The following MARCHF1 variants were observed in gnomAD, a reference collection of about 807,000 sequenced individuals.
MARCHF1 encodes membrane associated ring-CH-type finger 1.
A neutral mutation model predicts 54.2 loss-of-function variants in MARCHF1; 40 were observed. That is an observed-to-expected ratio of 0.74 (90% CI 0.57 to 0.96). The LOEUF (loss-of-function observed/expected upper bound fraction) is 0.96, where lower values mean the gene tolerates loss of function less well. MARCHF1 is among the 40% of genes least tolerant of loss of function. The pLI, the probability that MARCHF1 is intolerant of heterozygous loss-of-function variation, is 0.00. For synonymous variants in MARCHF1, 236 were observed against 236.3 expected (o/e 1.00, Z 0.01); for missense variants, 586 against 656.5 (o/e 0.89, Z 1.17).
intron 2 of MARCHF1, among the ~76,000 whole-genome samples, chr4:164,049,340 T>C (rs1754308224): frequency 6.6e-6 from 1 of 152,124 alleles, no homozygotes; most frequent in Non-Finnish European, 1.5e-5. Flanking sequence ...GGTCCCTCCC[T>C]TGACACATGG....
chr4:164,374,476 T>C (rs2110968118), intron 1 of MARCHF1, among the ~76,000 whole-genome samples: 1 of 152,278 alleles, frequency 6.6e-6, no homozygotes, highest in South Asian at 2.1e-4. Flanking sequence ...TAATGTATGT[T>C]TCAAAAAATT....
intron 7 of MARCHF1, among the ~76,000 whole-genome samples, chr4:163,597,723 A>T (rs970463077): frequency 2.6e-5 from 4 of 152,142 alleles, no homozygotes; most frequent in Non-Finnish European, 4.4e-5. Context: ...TCATGAATAA[A>T]TTTGATAGAT....
intron 1 of MARCHF1, among the ~76,000 whole-genome samples, chr4:164,371,212 G>C (rs1054559680): frequency 6.6e-6 from 1 of 152,028 alleles, no homozygotes; most frequent in Non-Finnish European, 1.5e-5. Flanking sequence ...CTTTTGTGGT[G>C]GGGGGATGGG....
At chr4:163,562,388 A>G (rs1329991358) in intron 8 of MARCHF1, among the ~76,000 whole-genome samples, 1 of 152,176 alleles carries the variant, frequency 6.6e-6, no homozygotes, top group African/African-American at 2.4e-5. Flanking sequence ...CTAAATGTAT[A>G]TTTACTCTCA....
At chr4:163,759,322 A>G (rs73870029) in intron 4 of MARCHF1, among the ~76,000 whole-genome samples, 2,353 of 152,268 alleles carry the variant, frequency 0.015, 62 homozygotes, top group African/African-American at 0.054. Flanking sequence ...CCTTTAACTT[A>G]ATCTTCCAAA....
intron 4 of MARCHF1, among the ~76,000 whole-genome samples, chr4:163,750,880 A>C (rs1746501141): frequency 6.6e-6 from 1 of 152,198 alleles, no homozygotes; most frequent in African/African-American, 2.4e-5. Flanking sequence ...AAATTTTAAA[A>C]AATTTATGTT....
chr4:164,247,853 T>C (rs1229624607), intron 1 of MARCHF1, among the ~76,000 whole-genome samples: 1 of 149,642 alleles, frequency 6.7e-6, no homozygotes, highest in Non-Finnish European at 1.5e-5. Context: ...ATCTATCATC[T>C]GCCAGTCCAA....
intron 2 of MARCHF1, among the ~76,000 whole-genome samples, chr4:164,061,062 C>T (rs766578971): frequency 6.6e-6 from 1 of 152,046 alleles, no homozygotes; most frequent in Non-Finnish European, 1.5e-5. Flanking sequence ...TTTATCCATA[C>T]GATTTGTAAG....
chr4:163,561,388 ATAT>A (rs1474451625), intron 8 of MARCHF1, among the ~76,000 whole-genome samples: 2 of 152,172 alleles, frequency 1.3e-5, no homozygotes, highest in Non-Finnish European at 2.9e-5. Flanking sequence ...AAGTAGCAAA[ATAT>A]TGTGCACATC....
chr4:164,089,828 C>T (rs1419201258), intron 2 of MARCHF1, among the ~76,000 whole-genome samples: 2 of 151,936 alleles, frequency 1.3e-5, no homozygotes, highest in Non-Finnish European at 2.9e-5. Flanking sequence ...ACTTGTGAAA[C>T]CATCTCAGCA....
chr4:164,281,319 G>A (rs1183538517), intron 1 of MARCHF1, among the ~76,000 whole-genome samples: 1 of 152,034 alleles, frequency 6.6e-6, no homozygotes, highest in African/African-American at 2.4e-5. Flanking sequence ...AAATCATACT[G>A]CCTTCCATCA....
intron 1 of MARCHF1, among the ~76,000 whole-genome samples, chr4:164,121,319 T>C (rs568833085): frequency 2.6e-5 from 4 of 152,202 alleles, no homozygotes; most frequent in African/African-American, 9.6e-5. Context: ...CACGCTGCTA[T>C]AAAGAACTGC....
chr4:164,191,133 A>C (rs962471182), intron 1 of MARCHF1, among the ~76,000 whole-genome samples: 3 of 152,190 alleles, frequency 2.0e-5, no homozygotes, highest in African/African-American at 7.2e-5. Context: ...ATTTTCTTCA[A>C]CATGCAATGT....
At chr4:163,680,597 A>G (rs973027635) in intron 5 of MARCHF1, among the ~76,000 whole-genome samples, 6 of 152,268 alleles carry the variant, frequency 3.9e-5, no homozygotes, top group Non-Finnish European at 7.4e-5. Flanking sequence ...CTCTTGCCAC[A>G]TCTGAATTCT....
rs1339623962 is a variant in MARCHF1, at chr4:163,929,990, AT to A, written c.-39+58510del. Among the ~76,000 whole-genome samples, 936 of 132,644 alleles carry A rather than the reference AT, an allele frequency of 7.1e-3. 10 individuals are homozygous for A. The highest frequency in any genetic ancestry group is 0.039 in the East Asian group (191 of 4,884). The allele number at this position is 132,644 out of a possible 152,430, so 87.0% of individuals were successfully genotyped here. ...TATATATAATATATATAATATATAT[AT>A]AATATATTATATATAAATATATTAT... is the stretch of plus-strand genomic sequence containing the variant. On this transcript the variant is annotated intron_variant, in intron 3 of 9. Transcript: ENST00000514618.
chr4:164,185,596 C>A (rs1362851570), intron 1 of MARCHF1, among the ~76,000 whole-genome samples: 1 of 152,076 alleles, frequency 6.6e-6, no homozygotes, highest in Non-Finnish European at 1.5e-5. Context: ...TTCATGACAT[C>A]TGAGGCTCAC....
chr4:164,115,162 A>T (rs1372605455), intron 1 of MARCHF1, among the ~76,000 whole-genome samples: 1 of 152,070 alleles, frequency 6.6e-6, no homozygotes, highest in Non-Finnish European at 1.5e-5. Context: ...TGTTCTCCGC[A>T]TACAAAGGGT....
chr4:163,952,397 TC>T (rs1441877160), intron 3 of MARCHF1, among the ~76,000 whole-genome samples: 14 of 152,204 alleles, frequency 9.2e-5, no homozygotes, highest in Admixed American at 5.9e-4. Flanking sequence ...ATTTTCAATG[TC>T]CTACTCCATC....
chr4:163,615,076 C>T (rs920604521), intron 5 of MARCHF1, among the ~76,000 whole-genome samples: 6 of 151,964 alleles, frequency 3.9e-5, no homozygotes, highest in East Asian at 3.9e-4. Flanking sequence ...AACTATAAGA[C>T]GACAAAGCCC....
Sources: allele counts gnomAD v4.1 joint callset (sites outside exome capture counted in the v4.1 genomes callset), GRCh38; gene constraint gnomAD v4.1.1; transcripts MANE v1.5; gene names NCBI Gene and HGNC (gene_info 2026-07-23, HGNC 2026-07-21).